Variants in COLEC11 observed in about 807,000 individuals in gnomAD.
COLEC11 encodes collectin-11.
In COLEC11, 20 loss-of-function variants were observed where a neutral mutation model predicts 27.3. That is an observed-to-expected ratio of 0.73 (90% CI 0.51 to 1.06). The LOEUF is 1.06. Ranked by LOEUF, COLEC11 falls within the 50% of genes least tolerant of loss-of-function variation. COLEC11 has a pLI of 0.00. For missense variants in COLEC11, 310 were observed against 383.0 expected (o/e 0.81, Z 1.59); for synonymous variants, 163 against 154.7 (o/e 1.05, Z -0.40).
intron 2 of COLEC11, chr2:3,605,830 C>A: frequency 2.6e-6 from 1 of 387,456 alleles, no homozygotes; most frequent in Non-Finnish European, 4.8e-6. Flanking sequence ...TCCCGGGGCA[C>A]AGGGTCCGGA....
chr2:3,623,113 A>G (rs558975861), intron 3 of COLEC11, among the ~76,000 whole-genome samples: 5 of 152,222 alleles, frequency 3.3e-5, no homozygotes, highest in African/African-American at 7.2e-5. Flanking sequence ...ATATGATCCC[A>G]CTTTCTCCTG....
chr2:3,637,269 G>GGACCGTGGTTGAGTTTGGAACTTAGGGA (rs1558516954), intron 3 of COLEC11, among the ~76,000 whole-genome samples: 15 of 152,012 alleles, frequency 9.9e-5, no homozygotes, highest in Non-Finnish European at 1.6e-4. Context: ...GAACTTAGGG[G>GGACCGTGGTTGAGTTTGGAACTTAGGGA]TGCCCCGTTC....
rs1213663798 is a variant in COLEC11 at position 3,604,438 on chromosome 2, G to T, written c.98G>T (p.Cys33Phe). 1.2e-6 allele frequency: 2 copies of T among 1,614,090 alleles called. No individual in the cohort carries two copies. The highest frequency in any genetic ancestry group is 2.7e-5 in the African/African-American group (2 of 74,950). The part of the protein sequence containing the change: ...GHPQPAGDDA[C>F]SVQILVPGLK... ...CCTCAGCCGGCTGGCGATGACGCCT[G>T]CTCTGTGCAGATCCTCGTCCCTGGC... Residue 33 changes from cysteine (C) to phenylalanine (F), a missense_variant, in exon 2 of 7, where the codon TGC (cysteine) becomes TTC (phenylalanine). By Grantham distance (205) the Cys-to-Phe change is radical. Transcript: ENST00000349077.
At chr2:3,631,062 C>G (rs1419720705) in intron 3 of COLEC11, among the ~76,000 whole-genome samples, 1 of 152,092 alleles carries the variant, frequency 6.6e-6, no homozygotes, top group African/African-American at 2.4e-5. Context: ...GAAACCCCAT[C>G]TCTACTAAAA....
chr2:3,606,945 G>A (rs1265109914), intron 2 of COLEC11, among the ~76,000 whole-genome samples: 2 of 152,230 alleles, frequency 1.3e-5, no homozygotes, highest in South Asian at 2.1e-4. Context: ...TTAGACAAGC[G>A]TCCGTTGAGA....
chr2:3,608,472 C>T (rs1000213095), intron 2 of COLEC11, among the ~76,000 whole-genome samples: 1 of 152,158 alleles, frequency 6.6e-6, no homozygotes, highest in Non-Finnish European at 1.5e-5. Context: ...GAGTCATTAC[C>T]TGCAGGGACA....
At chr2:3,629,894 T>G (rs1478290356) in intron 3 of COLEC11, among the ~76,000 whole-genome samples, 4 of 152,208 alleles carry the variant, frequency 2.6e-5, no homozygotes, top group African/African-American at 9.6e-5. Flanking sequence ...TATGTAGGTT[T>G]GTAAGTTTTA....
chr2:3,597,295 A>G (rs1661909539), intron 1 of COLEC11, among the ~76,000 whole-genome samples: 1 of 150,924 alleles, frequency 6.6e-6, no homozygotes, highest in Non-Finnish European at 1.5e-5. Flanking sequence ...AGTGTGAGTG[A>G]AGGCACGAGA....
intron 2 of COLEC11, 62 bp from the exon 3 acceptor site, chr2:3,613,249 A>G (rs995679315): frequency 2.7e-5 from 42 of 1,538,044 alleles, no homozygotes; most frequent in Middle Eastern, 1.7e-4. Context: ...TTCCTCCACA[A>G]ATCACTCTGA....
intron 3 of COLEC11, among the ~76,000 whole-genome samples, chr2:3,614,934 A>G (rs1451741958): frequency 6.6e-6 from 1 of 152,248 alleles, no homozygotes; most frequent in African/African-American, 2.4e-5. Context: ...AGTTGAAGAA[A>G]GAACAGTACC....
intron 3 of COLEC11, among the ~76,000 whole-genome samples, chr2:3,624,175 TTG>T (rs1207459525): frequency 6.6e-6 from 1 of 152,186 alleles, no homozygotes; most frequent in African/African-American, 2.4e-5. Context: ...GCTCAAGTTC[TTG>T]TGCCTTCTCC....
At chr2:3,623,820 G>T (rs575729687) in intron 3 of COLEC11, among the ~76,000 whole-genome samples, 1 of 151,932 alleles carries the variant, frequency 6.6e-6, no homozygotes, top group African/African-American at 2.4e-5. Context: ...CATTTCTTTG[G>T]GATTGGTTTA....
At chr2:3,604,224 G>A in intron 1 of COLEC11, 91 bp from the exon 2 acceptor site, 1 of 1,431,732 alleles carries the variant, frequency 7.0e-7, no homozygotes, top group Non-Finnish European at 9.7e-7. Flanking sequence ...GCACCAGGAG[G>A]GCTACACCCC....
chr2:3,605,901 T>G, intron 2 of COLEC11: 1 of 619,304 alleles, frequency 1.6e-6, no homozygotes, highest in Admixed American at 3.2e-5. Context: ...TCCGGCTGTG[T>G]TAGCCCTGCT....
intron 2 of COLEC11, among the ~76,000 whole-genome samples, chr2:3,608,083 A>C: frequency 6.6e-6 from 1 of 152,196 alleles, no homozygotes; most frequent in East Asian, 1.9e-4. Flanking sequence ...AAATATGTCG[A>C]AGTATCTTAG....
In COLEC11 at chr2:3,629,161, C is replaced by G. The variant is rs116496020; in HGVS notation, c.203-8372C>G. ...ATCTGTAACCACACTACTGTCCGGC[C>G]AAGGGTTAGTTTCCAAGAGAAGTCT... On this transcript the variant is annotated intron_variant, in intron 3 of 6. Transcript: ENST00000349077. Among the ~76,000 whole-genome samples the G allele has an allele frequency of 5.7e-3, 874 of 152,270 alleles. 15 individuals carry two copies. The highest frequency in any genetic ancestry group is 0.02 in the African/African-American group (832 of 41,530).
intron 5 of COLEC11, among the ~76,000 whole-genome samples, chr2:3,642,668 A>T (rs1665956329): frequency 6.6e-6 from 1 of 152,076 alleles, no homozygotes; most frequent in African/African-American, 2.4e-5. Context: ...CTTTCCCTCC[A>T]CATTCCTGCC....
intron 3 of COLEC11, chr2:3,626,085 A>G: frequency 3.1e-6 from 5 of 1,613,772 alleles, no homozygotes; most frequent in Middle Eastern, 1.6e-4. Context: ...TAGAAATGGG[A>G]TCACAGGGTA....
chr2:3,606,727 A>G (rs993629828), intron 2 of COLEC11, among the ~76,000 whole-genome samples: 3 of 152,232 alleles, frequency 2.0e-5, no homozygotes, highest in Non-Finnish European at 2.9e-5. Flanking sequence ...CACCAGGGGC[A>G]AGGAGCGGTT....
Sources: allele counts gnomAD v4.1 joint callset (sites outside exome capture counted in the v4.1 genomes callset), GRCh38; gene constraint gnomAD v4.1.1; transcripts MANE v1.5; gene names NCBI Gene and HGNC (gene_info 2026-07-23, HGNC 2026-07-21).